The following DMD variants were observed in gnomAD, a reference collection of about 807,000 sequenced individuals.
DMD encodes the protein mutant dystrophin.
DMD carries 63 observed loss-of-function variants against 330.1 expected under a neutral mutation model. The ratio of observed to expected loss-of-function variants is 0.19; its 90% confidence interval spans 0.16 to 0.24. The LOEUF (loss-of-function observed/expected upper bound fraction) is 0.24, where lower values mean the gene tolerates loss of function less well. Ranked by LOEUF, DMD falls within the 10% of genes least tolerant of loss-of-function variation. The pLI is 1.00. For missense variants in DMD, 3,344 were observed against 2,684.1 expected (o/e 1.25, Z -5.43); for synonymous variants, 1,223 against 959.8 (o/e 1.27, Z -5.07).
At chrX:32,608,150 AG>A (rs1425240054) in intron 12 of DMD, among the ~76,000 whole-genome samples, 1 of 110,195 alleles carries the variant, frequency 9.1e-6, no homozygotes. Context: ...ATAATCTGAT[AG>A]CTAGAAATAC....
intron 39 of DMD, among the ~76,000 whole-genome samples, chrX:32,344,395 G>T (rs938669322): frequency 1.8e-5 from 2 of 111,777 alleles, no homozygotes; most frequent in African/African-American, 3.2e-5. Flanking sequence ...GGCGAGTAGT[G>T]TTGACGATTT....
intron 29 of DMD, among the ~76,000 whole-genome samples, chrX:32,436,221 C>T (rs1408402202): frequency 9.0e-6 from 1 of 111,639 alleles, no homozygotes; most frequent in African/African-American, 3.3e-5. Context: ...TACTATTCCT[C>T]AGGCTTAAGG....
chrX:32,156,636 A>C (rs897389532), intron 44 of DMD, among the ~76,000 whole-genome samples: 1 of 80,879 alleles, frequency 1.2e-5, no homozygotes, highest in Non-Finnish European at 2.7e-5. Context: ...AAGGATACAC[A>C]CACACACACA....
At chrX:31,397,153 C>T (rs912155991) in intron 60 of DMD, among the ~76,000 whole-genome samples, 2 of 111,973 alleles carry the variant, frequency 1.8e-5, no homozygotes, top group African/African-American at 6.5e-5. Flanking sequence ...TAGCTAAGAG[C>T]ACTAGAATTA....
At chrX:32,288,642 TCA>T (rs1015519347) in intron 42 of DMD, among the ~76,000 whole-genome samples, 2 of 111,968 alleles carry the variant, frequency 1.8e-5, no homozygotes, top group Admixed American at 9.5e-5. Context: ...TGGCTCTTCA[TCA>T]CAGAGTTCAA....
At chrX:33,320,415 C>T (rs1391305901) in intron 1 of DMD, among the ~76,000 whole-genome samples, 2 of 111,935 alleles carry the variant, frequency 1.8e-5, no homozygotes, top group Non-Finnish European at 1.9e-5. Context: ...ATGAATTATT[C>T]GGTTTCCCAG....
intron 60 of DMD, among the ~76,000 whole-genome samples, chrX:31,411,297 A>G (rs953433429): frequency 9.0e-6 from 1 of 111,449 alleles, no homozygotes; most frequent in Non-Finnish European, 1.9e-5. Context: ...TACCACCAAC[A>G]GAGGACATCA....
At chrX:32,576,582 T>C (rs1385218077) in intron 13 of DMD, among the ~76,000 whole-genome samples, 2 of 110,472 alleles carry the variant, frequency 1.8e-5, no homozygotes, top group Admixed American at 2.0e-4. Context: ...AGAGGTGGGA[T>C]AGCACAAGAT....
chrX:32,606,717 A>T (rs2056738505), intron 12 of DMD, among the ~76,000 whole-genome samples: 1 of 58,623 alleles, frequency 1.7e-5, no homozygotes, highest in African/African-American at 1.8e-4. Flanking sequence ...ATGTGTGTAT[A>T]TACGCATATA....
chrX:31,881,480 G>A lies in DMD; in HGVS notation c.6913-6107C>T, dbSNP rs147040930. Among the ~76,000 whole-genome samples, 346 of 110,634 alleles carry A rather than the reference G, an allele frequency of 3.1e-3. 2 individuals are homozygous for A. Among genetic ancestry groups the A allele is most frequent in the African/African-American group, 9.1e-3 (276 of 30,420 alleles). On this transcript the variant is annotated intron_variant, in intron 47 of 78. Coordinates refer to ENST00000357033, the MANE Select transcript of DMD (RefSeq NM_004006.3). The stretch of plus-strand genomic sequence containing the variant: ...CAGTGTTTGTAAACTGTATGGTACC[G>A]TACAATAATGTCTTAGATTTCACAT...
At chrX:32,109,417 T>A (rs2096579167) in intron 44 of DMD, among the ~76,000 whole-genome samples, 1 of 111,334 alleles carries the variant, frequency 9.0e-6, no homozygotes, top group Non-Finnish European at 1.9e-5. Context: ...GAGACCTGTA[T>A]CAATAACATA....
chrX:31,167,098 T>C (rs142299612), intron 74 of DMD, among the ~76,000 whole-genome samples: 12 of 111,821 alleles, frequency 1.1e-4, no homozygotes, highest in Non-Finnish European at 2.1e-4. Context: ...TTCTGGGGAA[T>C]ATGCCGCAAT....
At chrX:31,620,882 T>C (rs1207009105) in intron 55 of DMD, among the ~76,000 whole-genome samples, 1 of 111,971 alleles carries the variant, frequency 8.9e-6, no homozygotes, top group African/African-American at 3.2e-5. Context: ...TAGATATATT[T>C]CTGAGTGGAC....
intron 7 of DMD, among the ~76,000 whole-genome samples, chrX:32,740,118 G>T (rs1424392005): frequency 9.2e-6 from 1 of 108,370 alleles, no homozygotes; most frequent in Non-Finnish European, 1.9e-5. Flanking sequence ...AAGCTTTACG[G>T]GTTATCGTGT....
At chrX:31,630,948 G>A (rs1214590404) in intron 54 of DMD, among the ~76,000 whole-genome samples, 2 of 111,887 alleles carry the variant, frequency 1.8e-5, no homozygotes, top group Non-Finnish European at 3.8e-5. Context: ...ATTTGATGGA[G>A]TAAGGAATAA....
intron 2 of DMD, among the ~76,000 whole-genome samples, chrX:32,927,097 C>T (rs2089107759): frequency 1.8e-5 from 2 of 110,839 alleles, no homozygotes; most frequent in Admixed American, 1.9e-4. Context: ...CCATAGTACC[C>T]TTCGCTACAT....
intron 63 of DMD, among the ~76,000 whole-genome samples, chrX:31,226,297 TTTTG>T (rs1322119137): frequency 1.8e-5 from 2 of 112,464 alleles, no homozygotes; most frequent in Non-Finnish European, 3.8e-5. Flanking sequence ...CTGTGTTGTC[TTTTG>T]TTTTTCTATC....
chrX:33,246,343 A>T (rs1479679883), intron 1 of DMD, among the ~76,000 whole-genome samples: 1 of 111,630 alleles, frequency 9.0e-6, no homozygotes, highest in Middle Eastern at 4.2e-3. Context: ...CAACAAGCTA[A>T]CAGTGGCAAC....
At chrX:31,223,226 T>C (rs918668198) in intron 63 of DMD, 105 bp from the exon 64 acceptor site, 2 of 704,042 alleles carry the variant, frequency 2.8e-6, no homozygotes, top group Non-Finnish European at 4.6e-6. Flanking sequence ...ACCACAAAAA[T>C]AGCCTAGAAA....
Sources: gnomAD v4.1 joint callset for allele counts (sites outside exome capture counted in the v4.1 genomes callset) on GRCh38, gnomAD v4.1.1 for gene constraint, MANE v1.5 for transcripts, NCBI Gene and HGNC (gene_info 2026-07-23, HGNC 2026-07-21) for gene names.